The following SCN11A variants were observed in gnomAD, a reference collection of about 807,000 sequenced individuals.
SCN11A encodes the protein sodium channel protein type 11 subunit alpha.
Under a neutral mutation model 162.2 loss-of-function variants are expected in SCN11A, and 122 were observed. The observed-to-expected ratio is 0.75, with a 90% CI of 0.65 to 0.87. The LOEUF (loss-of-function observed/expected upper bound fraction) is 0.87. SCN11A is among the 40% of genes least tolerant of loss of function. The pLI, the probability that SCN11A is intolerant of heterozygous loss-of-function variation, is 0.00. For missense variants in SCN11A, 2,015 were observed against 2,181.6 expected (o/e 0.92, Z 1.52); for synonymous variants, 758 against 751.5 (o/e 1.01, Z -0.14).
intron 21 of SCN11A, among the ~76,000 whole-genome samples, chr3:38,884,226 T>C (rs780560764): frequency 4.5e-4 from 68 of 152,176 alleles, no homozygotes; most frequent in Non-Finnish European, 8.2e-4. Context: ...ACTTTTTTCC[T>C]GGCTTTTATC....
At chr3:39,012,795 A>G (rs1387946858) in intron 2 of SCN11A, among the ~76,000 whole-genome samples, 1 of 152,138 alleles carries the variant, frequency 6.6e-6, no homozygotes, top group East Asian at 1.9e-4. Flanking sequence ...TCTTTACATG[A>G]AAACTCCATA....
Position 38,871,465 on chromosome 3 carries a change from A to G in SCN11A, c.3739T>C (p.Tyr1247His). 1 of 1,610,252 alleles carries G rather than the reference A, an allele frequency of 6.2e-7. No homozygotes were observed. Among genetic ancestry groups the G allele is most frequent in the South Asian group, 1.1e-5 (1 of 90,166 alleles). The change falls in exon 25 of 30, where the codon TAC (tyrosine) becomes CAC (histidine). Residue 1247 changes from tyrosine to histidine, a missense_variant. By Grantham distance (83) the Tyr-to-His change is moderately conservative. Transcript: ENST00000302328. ...CTTACCACTTGCAGCAGAGCGAGGTAAGCATTTCCCACATTGTCAAAGTTG... is the reference window on the plus strand; with the variant it reads ...CTTACCACTTGCAGCAGAGCGAGGTGAGCATTTCCCACATTGTCAAAGTTG... ...KVNFDNVGNAYLALLQVATFK... is the reference protein window; with the variant it reads ...KVNFDNVGNAHLALLQVATFK...
chr3:38,919,108 T>C (rs184403834), intron 11 of SCN11A, among the ~76,000 whole-genome samples: 3 of 152,292 alleles, frequency 2.0e-5, no homozygotes, highest in East Asian at 1.9e-4. Context: ...TGTAAAAATA[T>C]AGTATTATAA....
chr3:38,877,052 CTATATATATGGT>C (rs2065221977), intron 23 of SCN11A, among the ~76,000 whole-genome samples: 1 of 31,108 alleles, frequency 3.2e-5, no homozygotes, highest in Non-Finnish European at 6.7e-5. Flanking sequence ...GGTGTATATA[CTATATATATGGT>C]ATATATATGG....
At chr3:38,917,808 T>C (rs529176176) in intron 11 of SCN11A, among the ~76,000 whole-genome samples, 12 of 152,262 alleles carry the variant, frequency 7.9e-5, no homozygotes, top group African/African-American at 2.4e-4. Context: ...AAATAAAAGC[T>C]AAAAAGAAGA....
At chr3:38,873,658 G>C (rs927582281) in intron 23 of SCN11A, among the ~76,000 whole-genome samples, 1 of 152,132 alleles carries the variant, frequency 6.6e-6, no homozygotes, top group Admixed American at 6.6e-5. Context: ...TGTTCCTACA[G>C]AGACCTTATA....
intron 5 of SCN11A, among the ~76,000 whole-genome samples, chr3:38,948,550 G>C (rs2066552686): frequency 6.6e-6 from 1 of 152,196 alleles, no homozygotes; most frequent in Non-Finnish European, 1.5e-5. Flanking sequence ...CTGGCTGCTT[G>C]ACCTGGCTTA....
intron 2 of SCN11A, among the ~76,000 whole-genome samples, chr3:38,962,089 T>G (rs879806096): frequency 2.6e-5 from 4 of 152,234 alleles, no homozygotes; most frequent in Admixed American, 2.0e-4. Flanking sequence ...ATATGTGGCT[T>G]GCCAATTATC....
chr3:39,012,582 G>A (rs2031177568), intron 2 of SCN11A, among the ~76,000 whole-genome samples: 1 of 150,142 alleles, frequency 6.7e-6, no homozygotes, highest in Middle Eastern at 3.5e-3. Context: ...CCAGGTTCAA[G>A]CAATTCTCCT....
At chr3:38,848,303 A>G (rs2064710395) in intron 29 of SCN11A, among the ~76,000 whole-genome samples, 1 of 152,190 alleles carries the variant, frequency 6.6e-6, no homozygotes, top group African/African-American at 2.4e-5. Flanking sequence ...GACAATTCAC[A>G]TTTTGGCCTA....
chr3:38,911,364 G>T (rs2065885516), intron 11 of SCN11A, among the ~76,000 whole-genome samples: 1 of 152,152 alleles, frequency 6.6e-6, no homozygotes, highest in Non-Finnish European at 1.5e-5. Context: ...ATTATCCTGT[G>T]TTGCTATTAA....
chr3:38,955,833 CAT>C (rs753728213), intron 3 of SCN11A, among the ~76,000 whole-genome samples: 1 of 152,222 alleles, frequency 6.6e-6, no homozygotes, highest in African/African-American at 2.4e-5. Flanking sequence ...GAATCCAAGA[CAT>C]TATGTCCTTA....
intron 4 of SCN11A, among the ~76,000 whole-genome samples, 107 bp downstream of exon 4, chr3:38,953,522 A>G (rs2066646134): frequency 1.3e-5 from 2 of 152,324 alleles, no homozygotes; most frequent in South Asian, 4.1e-4. Context: ...TCTTGTAGCA[A>G]ATCAAATTAC....
chr3:38,863,128 C>A, intron 28 of SCN11A, 67 bp downstream of exon 28: 4 of 921,422 alleles, frequency 4.3e-6, no homozygotes, highest in South Asian at 2.7e-5. Flanking sequence ...GATGGCATTA[C>A]GGAAATTTGA....
At chr3:38,936,777 G>A (rs1458705316) in intron 7 of SCN11A, among the ~76,000 whole-genome samples, 18 of 152,286 alleles carry the variant, frequency 1.2e-4, no homozygotes, top group African/African-American at 3.4e-4. Flanking sequence ...AATCAGTATC[G>A]TGAAAATGGC....
At position 38,940,000 on chromosome 3, in the gene SCN11A, T is replaced by C. The variant is rs563968333; in HGVS notation, c.488+5411A>G. On this transcript the variant is annotated intron_variant, in intron 7 of 29. Coordinates refer to ENST00000302328, the MANE Select transcript of SCN11A (RefSeq NM_001349253.2). ...TGCTGACAACAAATTTTATCAAAAA[T>C]AGCACACAATTTTATATATATATAA... Among the ~76,000 whole-genome samples the C allele has an allele frequency of 3.3e-5, 5 of 150,660 alleles. No homozygotes were observed. The South Asian group carries it at 1.0e-3, about 32-fold the overall frequency.
chr3:38,847,346 T>C lies in SCN11A; in HGVS notation c.4724A>G (p.His1575Arg). 1.2e-6 allele frequency: 2 copies of C among 1,613,838 alleles called. No individual in the cohort carries two copies. The highest frequency in any genetic ancestry group is 1.7e-6 in the Non-Finnish European group (2 of 1,179,970). Reference protein sequence around the residue: ...ESCNSSSENCHLPGIATSYFV... With the variant: ...ESCNSSSENCRLPGIATSYFV... The stretch of plus-strand genomic sequence containing the variant: ...GTAGGATGTGGCTATGCCAGGGAGG[T>C]GGCAGTTTTCTGAGGAAGAGTTACA... Residue 1575 changes from histidine (H) to arginine (R), a missense_variant, in exon 30 of 30, where the codon CAC (histidine) becomes CGC (arginine). By Grantham distance (29) the His-to-Arg change is conservative (BLOSUM62 0). Coordinates refer to ENST00000302328, the MANE Select transcript of SCN11A (RefSeq NM_001349253.2).
At chr3:38,904,363 T>C (rs2065757037) in intron 15 of SCN11A, among the ~76,000 whole-genome samples, 1 of 152,062 alleles carries the variant, frequency 6.6e-6, no homozygotes, top group Non-Finnish European at 1.5e-5. Context: ...GAGCTGAGCT[T>C]TGATGTTAGA....
rs368754860 is a variant in SCN11A, at chr3:38,909,188, G to C, written c.1108C>G (p.Arg370Gly). ...AAGACTGAGTAGAGCCCAGTAGTAC[G>C]CAGGGTCTGCAAAGGACAGAGCATG... ...SWEKLYQQTL[R>G]TTGLYSVFFF... Residue 370 changes from arginine to glycine, a missense_variant, in exon 13 of 30, where the codon CGT becomes GGT. Physicochemically the swap from Arg to Gly is moderately radical, Grantham distance 125. Coordinates refer to ENST00000302328, the MANE Select transcript of SCN11A (RefSeq NM_001349253.2). The C allele has an allele frequency of 1.2e-6, 2 of 1,613,778 alleles. No homozygotes were observed. Among genetic ancestry groups the C allele is most frequent in the Admixed American group, 1.7e-5 (1 of 59,990 alleles).
Sources: allele counts gnomAD v4.1 joint callset (sites outside exome capture counted in the v4.1 genomes callset), GRCh38; gene constraint gnomAD v4.1.1; transcripts MANE v1.5; gene names NCBI Gene and HGNC (gene_info 2026-07-23, HGNC 2026-07-21).